The following HTRA2 variants were observed in gnomAD, a reference collection of about 807,000 sequenced individuals.
The protein encoded by HTRA2 is serine protease HTRA2, mitochondrial.
A neutral mutation model predicts 42.2 loss-of-function variants in HTRA2; 24 were observed. That is an observed-to-expected ratio of 0.57 (90% CI 0.41 to 0.80). HTRA2 has a LOEUF of 0.80. HTRA2 is among the 30% of genes least tolerant of loss of function. The probability of loss-of-function intolerance (pLI) is 0.00; values close to 1 mark genes in which losing one functional copy is unlikely to be tolerated. For missense variants in HTRA2, 466 were observed against 613.5 expected (o/e 0.76, Z 2.54); for synonymous variants, 245 against 255.8 (o/e 0.96, Z 0.40).
intron 4 of HTRA2, 107 bp downstream of exon 4, chr2:74,531,478 T>C (rs746510800): frequency 6.2e-7 from 1 of 1,607,578 alleles, no homozygotes; most frequent in South Asian, 1.1e-5. Context: ...AGCAGTTCTT[T>C]GTTGGCTATC....
Position 74,531,839 on chromosome 2 carries a change from T to A in HTRA2, c.1046-17T>A, listed in dbSNP as rs370775486. On this transcript the variant is annotated splice_polypyrimidine_tract_variant and intron_variant, in intron 5 of 7. Transcript: ENST00000258080. Reference sequence around the variant, plus strand: ...AAGGATGTAGCTGGGTGGGGCTCATTTGTCCCTCTGTCACAGATTCCTCCT... The same window carrying A: ...AAGGATGTAGCTGGGTGGGGCTCATATGTCCCTCTGTCACAGATTCCTCCT... 362 of 1,613,524 alleles carry A rather than the reference T, an allele frequency of 2.2e-4. 1 individual carries two copies. The highest frequency in any genetic ancestry group is 3.0e-4 in the Non-Finnish European group (353 of 1,180,008).
chr2:74,532,881 G>A lies in HTRA2; in HGVS notation c.1273G>A (p.Glu425Lys). 1 of 1,614,132 alleles carries A rather than the reference G, an allele frequency of 6.2e-7. No homozygotes were observed. Among genetic ancestry groups the A allele is most frequent in the Non-Finnish European group, 8.5e-7 (1 of 1,180,024 alleles). The change falls in exon 8 of 8, where the codon GAA (glutamate) becomes AAA (lysine). Residue 425 changes from glutamate to lysine, a missense_variant. By Grantham distance (56) the Glu-to-Lys change is moderately conservative (BLOSUM62 1). This residue lies in a region of HTRA2 where 129 missense variants were observed against 163.1 expected (regional missense o/e 0.79). Transcript: ENST00000258080. ...AIGEQMVQNA[E>K]DVYEAVRTQS... ...TGGGGAGCAGATGGTACAAAATGCT[G>A]AAGATGTTTATGAAGCTGTTCGAAC...
At chr2:74,529,639 T>G (rs1675423568), upstream of HTRA2, 1 of 1,558,598 alleles carries the variant, frequency 6.4e-7, no homozygotes, top group Non-Finnish European at 8.7e-7. Flanking sequence ...TAACTGCTGC[T>G]TCAGGAGCGC....
At position 74,530,370 on chromosome 2, in the gene HTRA2, T is replaced by G. The variant is rs1179168222; in HGVS notation, c.364T>G (p.Trp122Gly). 6.3e-7 allele frequency: 1 copy of G among 1,591,818 alleles called. No homozygotes were observed. Among genetic ancestry groups the G allele is most frequent in the Non-Finnish European group, 8.5e-7 (1 of 1,170,218 alleles). The stretch of plus-strand genomic sequence containing the variant: ...TGGGGGGGCAGTGCTGTTGTTGTTG[T>G]GGGGCGGGGGTCGGGGTCCTCCGGC... ...GAGGAVLLLL[W>G]GGGRGPPAVL... Residue 122 changes from tryptophan (W) to glycine (G), a missense_variant, in exon 1 of 8, where the codon TGG (tryptophan) becomes GGG (glycine). Coordinates refer to ENST00000258080, the MANE Select transcript of HTRA2 (RefSeq NM_013247.5). The surrounding 1 kb of genome is among the most constrained non-coding windows in gnomAD (Gnocchi z 7.4).
rs2104366320 is a variant in HTRA2, at chr2:74,530,260, C to T, written c.254C>T (p.Ala85Val). The change falls in exon 1 of 8, where the codon GCG becomes GTG. Residue 85 changes from alanine to valine, a missense_variant. Ala to Val is a moderately conservative substitution (Grantham distance 64, BLOSUM62 0). This residue lies in a region of HTRA2 where 222 missense variants were observed against 205.1 expected (regional missense o/e 1.08). Transcript: ENST00000258080. This position sits in a 1 kb window ranked among gnomAD's most constrained non-coding sequence, Gnocchi z 7.4. ...GTPGPRAQLTAVTPDTRTREA... is the reference protein window; with the variant it reads ...GTPGPRAQLTVVTPDTRTREA... ...CCGGGTCCCCGGGCACAACTGACTGCGGTGACCCCAGATACCAGGACCCGG... is the reference window on the plus strand; with the variant it reads ...CCGGGTCCCCGGGCACAACTGACTGTGGTGACCCCAGATACCAGGACCCGG... The T allele has an allele frequency of 2.5e-6, 4 of 1,608,286 alleles. No homozygotes were observed. Among genetic ancestry groups the T allele is most frequent in the Non-Finnish European group, 3.4e-6 (4 of 1,177,222 alleles).
intron 4 of HTRA2, 30 bp downstream of exon 4, chr2:74,531,401 C>A: frequency 6.2e-7 from 1 of 1,613,348 alleles, no homozygotes; most frequent in Non-Finnish European, 8.5e-7. Flanking sequence ...TTCCAAGAAT[C>A]CCTGCCCCAG....
Position 74,532,725 on chromosome 2 carries a change from G to A in HTRA2, c.1211+11G>A. The A allele has an allele frequency of 6.2e-7, 1 of 1,612,878 alleles. No individual in the cohort carries two copies. The highest frequency in any genetic ancestry group is 8.5e-7 in the Non-Finnish European group (1 of 1,178,996). On this transcript the variant is annotated intron_variant, in intron 7 of 7. Transcript: ENST00000258080. ...CTCCCCTGCACACCGGTGAGGGAGA[G>A]GCTGCAGTGTGATATGGGGATGGGC...
chr2:74,533,534 G>A, downstream of HTRA2: 1 of 1,385,708 alleles, frequency 7.2e-7, no homozygotes, highest in Non-Finnish European at 1.0e-6. Flanking sequence ...TTCTTGGTAA[G>A]CTCCTGAGGT....
chr2:74,529,976 G>T lies in HTRA2; in HGVS notation c.-31G>T, dbSNP rs762421882. On this transcript the variant is annotated 5_prime_UTR_variant, in exon 1 of 8. Coordinates refer to ENST00000258080, the MANE Select transcript of HTRA2 (RefSeq NM_013247.5). Reference sequence around the variant, plus strand: ...CGTCCTGGGTGCCGCCTCTGAGTAGGGCGGGCGAGGAGGCAGCCAAGGCGG... The same window carrying T: ...CGTCCTGGGTGCCGCCTCTGAGTAGTGCGGGCGAGGAGGCAGCCAAGGCGG... 1 of 1,512,222 alleles carries T rather than the reference G, an allele frequency of 6.6e-7. No individual in the cohort carries two copies. The highest frequency in any genetic ancestry group is 8.8e-7 in the Non-Finnish European group (1 of 1,132,294). The allele number at this position is 1,512,222 out of a possible 1,614,324, so 93.7% of individuals were successfully genotyped here.
chr2:74,529,472 G>T (rs368530188), upstream of HTRA2: 8 of 1,559,974 alleles, frequency 5.1e-6, no homozygotes, highest in African/African-American at 2.7e-5. Context: ...GCAGCAGCAC[G>T]AGCAGTAGGA....
chr2:74,533,224 C>T lies in HTRA2; in HGVS notation c.*239C>T. On this transcript the variant is annotated 3_prime_UTR_variant, in exon 8 of 8. Transcript: ENST00000258080. ...GGGAGGGCTGGATCTTTTCCCCCACCAAAAGGCTAGAGGTAAAGCTGTATC... is the reference window on the plus strand; with the variant it reads ...GGGAGGGCTGGATCTTTTCCCCCACTAAAAGGCTAGAGGTAAAGCTGTATC... The T allele has an allele frequency of 3.5e-6, 2 of 570,372 alleles. No homozygotes were observed. Among genetic ancestry groups the T allele is most frequent in the Admixed American group, 6.1e-5 (2 of 32,836 alleles). The allele number at this position is 570,372 out of a possible 1,614,324, so 35.3% of individuals were successfully genotyped here.
At chr2:74,532,384 A>G in intron 6 of HTRA2, 1 of 557,358 alleles carries the variant, frequency 1.8e-6, no homozygotes, top group Non-Finnish European at 3.3e-6. Flanking sequence ...GAATGACATT[A>G]GTGCTATTGA....
Position 74,531,899 on chromosome 2 carries a change from G to C in HTRA2, c.1089G>C (p.Gly363=), listed in dbSNP as rs778783046. ...GTGGGTCCCAGCGGCGCTACATTGG[G>C]GTGATGATGCTGACCCTGAGTCCCA... ...GISGSQRRYI[G]VMMLTLSPSI... Residue 363 remains glycine, a synonymous_variant, in exon 6 of 8, where the codon GGG becomes GGC. Transcript: ENST00000258080. The C allele has an allele frequency of 6.2e-7, 1 of 1,613,994 alleles. No homozygotes were observed. Among genetic ancestry groups the C allele is most frequent in the African/African-American group, 1.3e-5 (1 of 74,892 alleles).
downstream of HTRA2, chr2:74,533,542 G>C: frequency 6.9e-7 from 1 of 1,450,308 alleles, no homozygotes; most frequent in Non-Finnish European, 9.6e-7. Flanking sequence ...AAGCTCCTGA[G>C]GTAATGGCAG....
rs71640292 is a variant in HTRA2, at chr2:74,530,877, A to G, written c.712-34A>G. 2.5e-3 allele frequency: 4,040 copies of G among 1,614,156 alleles called. 25 individuals carry two copies. The highest frequency in any genetic ancestry group is 0.025 in the African/African-American group (1,878 of 75,048). On this transcript the variant is annotated intron_variant, in intron 2 of 7. Coordinates refer to ENST00000258080, the MANE Select transcript of HTRA2 (RefSeq NM_013247.5). The surrounding 1 kb of genome is among the most constrained non-coding windows in gnomAD (Gnocchi z 7.4). The stretch of plus-strand genomic sequence containing the variant: ...GAGCTGCTTATTTGCTCGCATCTTC[A>G]GATGACAGGTCTCTTTTACCCATTC...
At position 74,530,352 on chromosome 2, in the gene HTRA2, G is replaced by T; in HGVS notation, c.346G>T (p.Ala116Ser). The change falls in exon 1 of 8, where the codon GCA becomes TCA. Residue 116 changes from alanine to serine, a missense_variant. Physicochemically the swap from Ala to Ser is moderately conservative, Grantham distance 99. Around this residue, in one of 3 missense-constraint regions of HTRA2, gnomAD observed 222 missense variants for 205.1 expected, o/e 1.08. Coordinates refer to ENST00000258080, the MANE Select transcript of HTRA2 (RefSeq NM_013247.5). The surrounding 1 kb of genome is among the most constrained non-coding windows in gnomAD (Gnocchi z 7.4). ...GGCGGTGGCGCTGGGCGCTGGGGGGGCAGTGCTGTTGTTGTTGTGGGGCGG... is the reference window on the plus strand; with the variant it reads ...GGCGGTGGCGCTGGGCGCTGGGGGGTCAGTGCTGTTGTTGTTGTGGGGCGG... ...WLAVALGAGG[A>S]VLLLLWGGGR... 1 of 1,593,284 alleles carries T rather than the reference G, an allele frequency of 6.3e-7. No homozygotes were observed. Among genetic ancestry groups the T allele is most frequent in the Non-Finnish European group, 8.6e-7 (1 of 1,169,070 alleles).
Position 74,532,992 on chromosome 2 carries a change from C to T in HTRA2, c.*7C>T. ...CCCTGAGGTCACAGAATGAATAGAT[C>T]ACCAAGAGTATGAGGCTCCTGCTCT... On this transcript the variant is annotated 3_prime_UTR_variant, in exon 8 of 8. Coordinates refer to ENST00000258080, the MANE Select transcript of HTRA2 (RefSeq NM_013247.5). 6.2e-7 allele frequency: 1 copy of T among 1,613,362 alleles called. No individual in the cohort carries two copies.
At chr2:74,529,862 A>C (rs1675453803), upstream of HTRA2, 1 of 1,412,538 alleles carries the variant, frequency 7.1e-7, no homozygotes, top group African/African-American at 1.4e-5. Flanking sequence ...GGCAGGGAGG[A>C]GTCGGCCTCC....
intron 3 of HTRA2, 69 bp from the exon 4 acceptor site, chr2:74,531,270 C>T (rs1381363082): frequency 3.8e-6 from 6 of 1,584,552 alleles, no homozygotes; most frequent in East Asian, 4.5e-5. Flanking sequence ...GGAGAAAGTA[C>T]CTACATCCTG....
Sources: gnomAD v4.1 joint callset for allele counts on GRCh38, gnomAD v4.1.1 for gene constraint, gnomAD v4.1.1 regional missense constraint, Gnocchi (gnomAD v3.1) non-coding constraint, MANE v1.5 for transcripts, NCBI Gene and HGNC (gene_info 2026-07-23, HGNC 2026-07-21) for gene names.